Variants in DCLK2 observed in about 807,000 individuals in gnomAD.
The protein encoded by DCLK2 is doublecortin like kinase 2.
In DCLK2, 31 loss-of-function variants were observed where a neutral mutation model predicts 78.4. The ratio of observed to expected loss-of-function variants is 0.40; its 90% confidence interval spans 0.30 to 0.53. The LOEUF (loss-of-function observed/expected upper bound fraction) is 0.53, where lower values mean the gene tolerates loss of function less well. DCLK2 is among the 20% of genes least tolerant of loss of function. DCLK2 has a pLI of 0.61. For missense variants in DCLK2, 872 were observed against 973.7 expected, an observed-to-expected ratio of 0.90 and a Z score of 1.39; for synonymous variants, 407 against 374.9, an observed-to-expected ratio of 1.09 and a Z score of -0.99.
intron 1 of DCLK2, among the ~76,000 whole-genome samples, chr4:150,100,263 G>T (rs1168802934): frequency 6.6e-6 from 1 of 152,144 alleles, no homozygotes; most frequent in Non-Finnish European, 1.5e-5. Flanking sequence ...GAATGGGAAG[G>T]AATTAAAATT....
chr4:150,097,174 T>C (rs943201573), intron 1 of DCLK2, among the ~76,000 whole-genome samples: 2 of 89,654 alleles, frequency 2.2e-5, no homozygotes, highest in South Asian at 5.3e-4. Flanking sequence ...TTTCTAGCCT[T>C]TTTTTTTTTT....
chr4:150,246,214 T>C (rs551818874), intron 12 of DCLK2, among the ~76,000 whole-genome samples: 71 of 152,146 alleles, frequency 4.7e-4, no homozygotes, highest in Middle Eastern at 3.4e-3. Flanking sequence ...CTGGCTGATT[T>C]TTTTGTATTT....
At chr4:150,091,861 A>G (rs1431785912) in intron 1 of DCLK2, among the ~76,000 whole-genome samples, 4 of 151,570 alleles carry the variant, frequency 2.6e-5, no homozygotes, top group African/African-American at 7.3e-5. Context: ...TTTAAGTGCA[A>G]CGTATGGTAG....
At position 150,116,639 on chromosome 4, in the gene DCLK2, A is replaced by G. The variant is rs754362732; in HGVS notation, c.756+13827A>G. 7.9e-5 allele frequency among the ~76,000 whole-genome samples: 12 copies of G among 152,348 alleles called. No homozygotes were observed. In the Middle Eastern group the frequency reaches 0.014, roughly 174 times the overall value. The stretch of plus-strand genomic sequence containing the variant: ...TGTCGCAGCAGCAGGTACCAGCACC[A>G]GCGCTGATAGAGGTGGCAGGGGAGT... On this transcript the variant is annotated intron_variant, in intron 2 of 15. Transcript: ENST00000296550.
intron 12 of DCLK2, 105 bp downstream of exon 12, chr4:150,240,581 T>G: frequency 1.7e-6 from 1 of 595,188 alleles, no homozygotes; most frequent in Non-Finnish European, 2.4e-6. Context: ...TCATTAAAAA[T>G]GCCAGTTAAA....
intron 5 of DCLK2, among the ~76,000 whole-genome samples, chr4:150,216,358 G>T (rs1178547442): frequency 6.6e-6 from 1 of 152,226 alleles, no homozygotes; most frequent in Non-Finnish European, 1.5e-5. Context: ...GTTCTCAGCA[G>T]CTCGGTGCAG....
At chr4:150,109,108 C>T (rs1320676042) in intron 2 of DCLK2, among the ~76,000 whole-genome samples, 3 of 152,058 alleles carry the variant, frequency 2.0e-5, no homozygotes, top group Non-Finnish European at 4.4e-5. Context: ...TGTACTTTAC[C>T]TTTCTGGAAT....
chr4:150,244,892 C>G (rs533393592), intron 12 of DCLK2, among the ~76,000 whole-genome samples: 1 of 152,106 alleles, frequency 6.6e-6, no homozygotes, highest in East Asian at 1.9e-4. Context: ...TGTGCACACA[C>G]TTCCAGCTTT....
At chr4:150,146,317 G>T (rs1486817532) in intron 2 of DCLK2, among the ~76,000 whole-genome samples, 3 of 152,166 alleles carry the variant, frequency 2.0e-5, no homozygotes, top group Non-Finnish European at 4.4e-5. Flanking sequence ...TTCAACTTCA[G>T]CTCTCTTGAA....
At position 150,232,693 on chromosome 4, in the gene DCLK2, C is replaced by T; in HGVS notation, c.1431C>T (p.Leu477=). The change falls in exon 10 of 16, where the codon CTC becomes CTT. Residue 477 remains leucine, a synonymous_variant. Transcript: ENST00000296550. ...LVMELVKGGD[L]FDAITSSTKY... ...TATGTATCGTTTAGGGTGGAGATCT[C>T]TTTGATGCAATTACTTCGTCGACCA... 6.2e-7 allele frequency: 1 copy of T among 1,614,028 alleles called. No homozygotes were observed. The highest frequency in any genetic ancestry group is 8.5e-7 in the Non-Finnish European group (1 of 1,179,946).
At chr4:150,193,892 A>G (rs1237514054) in intron 3 of DCLK2, among the ~76,000 whole-genome samples, 4 of 151,984 alleles carry the variant, frequency 2.6e-5, no homozygotes, top group African/African-American at 4.8e-5. Context: ...GCTAGGATTA[A>G]AGGCATAAGT....
intron 2 of DCLK2, among the ~76,000 whole-genome samples, chr4:150,171,138 T>C (rs1736497886): frequency 6.6e-6 from 1 of 152,218 alleles, no homozygotes; most frequent in Middle Eastern, 3.2e-3. Flanking sequence ...GAATCTCTCT[T>C]AAGGAATTTC....
chr4:150,135,844 G>C (rs1733648592), intron 2 of DCLK2, among the ~76,000 whole-genome samples: 3 of 152,200 alleles, frequency 2.0e-5, no homozygotes. Context: ...TGTTTAGTAG[G>C]AAGAAAGCTC....
intron 2 of DCLK2, among the ~76,000 whole-genome samples, chr4:150,183,371 G>C (rs1737668463): frequency 6.6e-6 from 1 of 152,194 alleles, no homozygotes; most frequent in South Asian, 2.1e-4. Context: ...TGCAGTAGCA[G>C]ATTTCACAAG....
intron 5 of DCLK2, among the ~76,000 whole-genome samples, chr4:150,215,918 G>A (rs1397416046): frequency 6.6e-6 from 1 of 152,196 alleles, no homozygotes. Flanking sequence ...GAAGGTCAGA[G>A]AGATTGTTTT....
intron 10 of DCLK2, among the ~76,000 whole-genome samples, chr4:150,235,086 A>G (rs1213883899): frequency 6.6e-6 from 1 of 152,140 alleles, no homozygotes; most frequent in Non-Finnish European, 1.5e-5. Context: ...CTCTGAAAAT[A>G]TGGGAGCCAC....
At chr4:150,154,660 C>G (rs1359366759) in intron 2 of DCLK2, among the ~76,000 whole-genome samples, 2 of 152,050 alleles carry the variant, frequency 1.3e-5, no homozygotes, top group South Asian at 2.1e-4. Flanking sequence ...TTTGTTGAAG[C>G]CTCCACTAGA....
intron 2 of DCLK2, among the ~76,000 whole-genome samples, chr4:150,176,565 G>T (rs1737106474): frequency 6.6e-6 from 1 of 152,160 alleles, no homozygotes; most frequent in Non-Finnish European, 1.5e-5. Flanking sequence ...TCCCGGAGAG[G>T]GGCTGAGAGG....
chr4:150,120,955 CA>C (rs1244633348), intron 2 of DCLK2, among the ~76,000 whole-genome samples: 1 of 152,086 alleles, frequency 6.6e-6, no homozygotes, highest in Non-Finnish European at 1.5e-5. Context: ...CCTGTAATCC[CA>C]GCTACTTGGG....
Sources: allele counts gnomAD v4.1 joint callset (sites outside exome capture counted in the v4.1 genomes callset), GRCh38; gene constraint gnomAD v4.1.1; transcripts MANE v1.5; gene names NCBI Gene and HGNC (gene_info 2026-07-23, HGNC 2026-07-21).